IL1RAPL2: variants seen among roughly 807,000 people sequenced by gnomAD.
IL1RAPL2 encodes X-linked interleukin-1 receptor accessory protein-like 2.
A neutral mutation model predicts 44.1 loss-of-function variants in IL1RAPL2; 3 were observed. The observed-to-expected ratio is 0.07, with a 90% confidence interval of 0.03 to 0.18. IL1RAPL2 has a LOEUF of 0.18. IL1RAPL2 is among the 10% of genes least tolerant of loss of function. The probability of loss-of-function intolerance (pLI) is 1.00; values close to 1 mark genes in which losing one functional copy is unlikely to be tolerated. For missense variants in IL1RAPL2, 391 were observed against 496.4 expected (o/e 0.79, Z 2.02); for synonymous variants, 181 against 178.8 (o/e 1.01, Z -0.10).
intron 2 of IL1RAPL2, among the ~76,000 whole-genome samples, chrX:105,057,768 A>T (rs2032013582): frequency 9.3e-6 from 1 of 107,054 alleles, no homozygotes; most frequent in Non-Finnish European, 1.9e-5. Flanking sequence ...TTTTATTTTT[A>T]TTTATTTATT....
At chrX:105,073,061 T>C (rs929611043) in intron 2 of IL1RAPL2, among the ~76,000 whole-genome samples, 1 of 106,782 alleles carries the variant, frequency 9.4e-6, no homozygotes, top group Non-Finnish European at 1.9e-5. Context: ...TTTATTATTA[T>C]GCTTTAAGTT....
chrX:104,654,237 G>A (rs1253754570), intron 1 of IL1RAPL2, among the ~76,000 whole-genome samples: 1 of 111,219 alleles, frequency 9.0e-6, no homozygotes, highest in Non-Finnish European at 1.9e-5. Flanking sequence ...TCAAAGTAGT[G>A]TAAAAACTCT....
chrX:105,121,136 T>C (rs1333345998), intron 2 of IL1RAPL2, among the ~76,000 whole-genome samples: 1 of 111,726 alleles, frequency 9.0e-6, no homozygotes, highest in Non-Finnish European at 1.9e-5. Flanking sequence ...TCCACACCTT[T>C]CTTTTTTAAT....
intron 2 of IL1RAPL2, among the ~76,000 whole-genome samples, chrX:105,068,258 T>C (rs1471205618): frequency 9.0e-6 from 1 of 111,477 alleles, no homozygotes; most frequent in Non-Finnish European, 1.9e-5. Flanking sequence ...ATAAGTTCAG[T>C]ATTCTGTGTT....
At chrX:105,218,880 G>GCCC in intron 3 of IL1RAPL2, 15 of 844,867 alleles carry the variant, frequency 1.8e-5, no homozygotes, top group Middle Eastern at 3.0e-4. Context: ...TACCACCCCG[G>GCCC]CCCCCGCCAC....
rs10687485 is a variant in IL1RAPL2 at position 105,527,436 on chromosome X, T to TTGTGTGTGTG, written c.772+43075_772+43084dup. Among the ~76,000 whole-genome samples, 64 of 95,649 alleles carry TTGTGTGTGTG rather than the reference T, an allele frequency of 6.7e-4. No individual in the cohort carries two copies. The South Asian group carries it at 0.031, about 47-fold the overall frequency. The allele number at this position is 95,649 out of a possible 115,157, so 83.1% of individuals were successfully genotyped here. A position where few individuals can be genotyped will look rare whatever the true frequency, so the allele number is the denominator to read the frequency against. ...GACATGCAGTATATGTGAGAGTGTG[T>TTGTGTGTGTG]TGTGTGTGTGTGTGTGTGTGTGTGT... On this transcript the variant is annotated intron_variant, in intron 6 of 10. Transcript: ENST00000372582.
At chrX:105,685,291 G>A (rs191799365) in intron 6 of IL1RAPL2, among the ~76,000 whole-genome samples, 1 of 111,273 alleles carries the variant, frequency 9.0e-6, no homozygotes, top group African/African-American at 3.3e-5. Context: ...CCCATTGTAA[G>A]GAAGCTAAAA....
chrX:104,843,838 G>A (rs1201511763), intron 2 of IL1RAPL2, among the ~76,000 whole-genome samples: 1 of 110,148 alleles, frequency 9.1e-6, no homozygotes, highest in African/African-American at 3.3e-5. Context: ...GTTTCTATTC[G>A]GCCATCTTGG....
chrX:104,945,349 G>C (rs1361344333), intron 2 of IL1RAPL2, among the ~76,000 whole-genome samples: 1 of 110,754 alleles, frequency 9.0e-6, no homozygotes, highest in Admixed American at 9.7e-5. Flanking sequence ...GTTCACAAAT[G>C]CCTAAAATAT....
chrX:104,740,369 T>C (rs1242433991), intron 2 of IL1RAPL2, among the ~76,000 whole-genome samples: 1 of 110,986 alleles, frequency 9.0e-6, no homozygotes, highest in Non-Finnish European at 1.9e-5. Context: ...ATTATGATTT[T>C]AATCTTTTTG....
At chrX:105,030,816 CT>C (rs1345820053) in intron 2 of IL1RAPL2, among the ~76,000 whole-genome samples, 1 of 111,740 alleles carries the variant, frequency 8.9e-6, no homozygotes, top group Non-Finnish European at 1.9e-5. Context: ...GGCATTGAAT[CT>C]ATAAATTACC....
chrX:104,888,159 G>A (rs1373476813), intron 2 of IL1RAPL2, among the ~76,000 whole-genome samples: 1 of 110,038 alleles, frequency 9.1e-6, no homozygotes, highest in East Asian at 2.9e-4. Flanking sequence ...GGAAGCAGAA[G>A]GGAGAACAGC....
chrX:105,146,490 T>C (rs1227980018), intron 2 of IL1RAPL2, among the ~76,000 whole-genome samples: 1 of 111,987 alleles, frequency 8.9e-6, no homozygotes, highest in Non-Finnish European at 1.9e-5. Context: ...AATATTTGTA[T>C]CTTATACTAA....
chrX:105,277,999 A>AT (rs1246523646), intron 5 of IL1RAPL2, among the ~76,000 whole-genome samples: 3 of 111,453 alleles, frequency 2.7e-5, no homozygotes, highest in Non-Finnish European at 5.7e-5. Context: ...GATGACAACC[A>AT]TGGAGAGATT....
At chrX:105,007,569 G>A (rs182825532) in intron 2 of IL1RAPL2, among the ~76,000 whole-genome samples, 13 of 111,569 alleles carry the variant, frequency 1.2e-4, no homozygotes, top group African/African-American at 3.9e-4. Flanking sequence ...TGGCAACAGA[G>A]CCTGACAATC....
At chrX:104,752,063 ATAATG>A (rs1388950168) in intron 2 of IL1RAPL2, among the ~76,000 whole-genome samples, 1 of 111,129 alleles carries the variant, frequency 9.0e-6, no homozygotes, top group Admixed American at 9.6e-5. Context: ...CCTATCCTGA[ATAATG>A]TAAGTTAGCT....
At chrX:104,997,671 T>C (rs1302605477) in intron 2 of IL1RAPL2, among the ~76,000 whole-genome samples, 2 of 111,777 alleles carry the variant, frequency 1.8e-5, no homozygotes, top group Admixed American at 1.9e-4. Flanking sequence ...ATGATGTTTA[T>C]GGTAGGTAGA....
At chrX:104,945,741 A>G (rs775624804) in intron 2 of IL1RAPL2, among the ~76,000 whole-genome samples, 13 of 112,198 alleles carry the variant, frequency 1.2e-4, no homozygotes, top group Non-Finnish European at 2.3e-4. Flanking sequence ...GAATACGCCA[A>G]TGAGCAGTTT....
At position 105,263,187 on chromosome X, in the gene IL1RAPL2, C is replaced by T. The variant is rs1212088001; in HGVS notation, c.544-4201C>T. Among the ~76,000 whole-genome samples the T allele has an allele frequency of 3.6e-5, 4 of 110,683 alleles. No individual in the cohort carries two copies. The Admixed American group carries it at 3.9e-4, about 11-fold the overall frequency. On this transcript the variant is annotated intron_variant, in intron 4 of 10. Transcript: ENST00000372582. ...GGCATGAGTCACTGCGCCTGGCCCC[C>T]TAAAGATTTTTAAGCAGATGTTTAG...
Sources: allele counts gnomAD v4.1 joint callset (sites outside exome capture counted in the v4.1 genomes callset), GRCh38; gene constraint gnomAD v4.1.1; transcripts MANE v1.5; gene names NCBI Gene and HGNC (gene_info 2026-07-23, HGNC 2026-07-21).